PIGT: variants seen among roughly 807,000 people sequenced by gnomAD.
PIGT encodes phosphatidylinositol glycan anchor biosynthesis class T.
Under a neutral mutation model 66.7 loss-of-function variants are expected in PIGT, and 57 were observed. The ratio of observed to expected loss-of-function variants is 0.86; its 90% CI spans 0.69 to 1.07. The LOEUF (loss-of-function observed/expected upper bound fraction) is 1.07, where lower values mean the gene tolerates loss of function less well. Among genes scored for constraint, PIGT ranks in the 50% least tolerant of loss-of-function variants. The pLI, the probability that PIGT is intolerant of heterozygous loss-of-function variation, is 0.00. For missense variants in PIGT, 725 were observed against 740.4 expected (o/e 0.98, Z 0.24); for synonymous variants, 362 against 320.5 (o/e 1.13, Z -1.38).
intron 2 of PIGT, 118 bp from the exon 3 acceptor site, chr20:45,418,734 C>T (rs1046250548): frequency 5.5e-6 from 7 of 1,282,868 alleles, no homozygotes; most frequent in Admixed American, 3.5e-5. Context: ...TCAACTGGCC[C>T]GTCTAATAGT....
At chr20:45,421,276 T>TTC (rs1555877264) in intron 8 of PIGT, 107 bp from the exon 9 acceptor site, 7 of 875,004 alleles carry the variant, frequency 8.0e-6, no homozygotes, top group Non-Finnish European at 1.2e-5. Flanking sequence ...GCAGGGCTGT[T>TTC]CCCCATCTAC....
chr20:45,422,189 T>C (rs1303116145), intron 9 of PIGT: 1 of 152,146 alleles, frequency 6.6e-6, no homozygotes, highest in African/African-American at 2.4e-5. Context: ...GAAGAGGTTG[T>C]ACCATATCCC....
intron 10 of PIGT, 54 bp downstream of exon 10, chr20:45,424,435 T>A: frequency 1.2e-6 from 2 of 1,613,006 alleles, no homozygotes; most frequent in Non-Finnish European, 8.5e-7. Context: ...CCCTTTCTGC[T>A]GCTTACCCCT....
chr20:45,421,644 C>T, intron 9 of PIGT, 61 bp downstream of exon 9: 2 of 1,373,848 alleles, frequency 1.5e-6, no homozygotes, highest in Non-Finnish European at 2.1e-6. Context: ...CTCCAGGTCC[C>T]CCAAACTCTC....
intron 11 of PIGT, chr20:45,425,137 C>CTCTT (rs1306364648): frequency 7.4e-6 from 1 of 135,388 alleles, no homozygotes; most frequent in African/African-American, 2.8e-5. Context: ...CTCTTTCTTT[C>CTCTT]TTTCTCTTTC....
At position 45,425,653 on chromosome 20, in the gene PIGT, T is replaced by C; in HGVS notation, c.1564T>C (p.Phe522Leu). 2 of 1,614,188 alleles carry C rather than the reference T, an allele frequency of 1.2e-6. No individual in the cohort carries two copies. Among genetic ancestry groups the C allele is most frequent in the Non-Finnish European group, 1.7e-6 (2 of 1,180,014 alleles). The stretch of plus-strand genomic sequence containing the variant: ...GCTGGTGAACCTGCCGACACCGGAC[T>C]TCAGCATGCCCTACAACGTGATCTG... ...PLLVNLPTPD[F>L]SMPYNVICLT... Residue 522 changes from phenylalanine to leucine, a missense_variant, in exon 12 of 12, where the codon TTC becomes CTC. Phe to Leu is a conservative substitution (Grantham distance 22). This residue lies in a region of PIGT where 162 missense variants were observed against 171.1 expected (regional missense o/e 0.95). Transcript: ENST00000279036.
intron 1 of PIGT, 38 bp downstream of exon 1, chr20:45,416,381 A>G (rs1322630173): frequency 2.6e-6 from 4 of 1,555,302 alleles, no homozygotes; most frequent in Non-Finnish European, 3.5e-6. Flanking sequence ...AGATTTCCGT[A>G]GTGCCTGCTG....
chr20:45,419,829 A>G (rs1990235391), intron 5 of PIGT: 2 of 600,050 alleles, frequency 3.3e-6, no homozygotes, highest in African/African-American at 1.9e-5. Flanking sequence ...TTGCTAGCTC[A>G]GTCACTTGCC....
intron 9 of PIGT, 122 bp downstream of exon 9, chr20:45,421,705 A>G: frequency 5.5e-6 from 4 of 721,512 alleles, no homozygotes; most frequent in Non-Finnish European, 9.4e-6. Flanking sequence ...ACAGGCATAA[A>G]GAGTAAGGAA....
chr20:45,420,085 G>T (rs763887133), intron 5 of PIGT, 51 bp from the exon 6 acceptor site: 1 of 1,298,262 alleles, frequency 7.7e-7, no homozygotes, highest in Non-Finnish European at 1.1e-6. Flanking sequence ...TTTGGGGGCT[G>T]TGTGGTGAGA....
At chr20:45,424,896 A>G (rs2145471757) in intron 11 of PIGT, 1 of 370,642 alleles carries the variant, frequency 2.7e-6, no homozygotes, top group African/African-American at 2.0e-5. Flanking sequence ...GATTAAACAA[A>G]ACAGACTTGG....
At chr20:45,417,315 A>G (rs1167588517) in intron 2 of PIGT, 6 of 152,236 alleles carry the variant, frequency 3.9e-5, no homozygotes, top group African/African-American at 7.2e-5. Flanking sequence ...TAATCCCACT[A>G]TAAGAAATCA....
rs201237606 is a variant in PIGT at position 45,420,628 on chromosome 20, C to A, written c.968C>A (p.Thr323Asn). The A allele has an allele frequency of 3.5e-5, 56 of 1,613,720 alleles. No individual in the cohort carries two copies. In the Middle Eastern group the frequency reaches 4.9e-4, roughly 14 times the overall value. Residue 323 changes from threonine (T) to asparagine (N), a missense_variant, in exon 8 of 12, where the codon ACC (threonine) becomes AAC (asparagine). By Grantham distance (65) the Thr-to-Asn change is moderately conservative (BLOSUM62 0). Around this residue, in one of 3 missense-constraint regions of PIGT, gnomAD observed 559 missense variants for 552.7 expected, o/e 1.01. Transcript: ENST00000279036. Reference protein sequence around the residue: ...KTYAIYDLLDTAMINNSRNLN... With the variant: ...KTYAIYDLLDNAMINNSRNLN... ...TATGCCATCTATGACTTGCTTGACACCGCCATGATCAACAACTCTCGAAAC... is the reference window on the plus strand; with the variant it reads ...TATGCCATCTATGACTTGCTTGACAACGCCATGATCAACAACTCTCGAAAC...
chr20:45,422,883 A>G (rs2145461641), intron 9 of PIGT: 1 of 152,166 alleles, frequency 6.6e-6, no homozygotes, highest in Admixed American at 6.5e-5. Context: ...GGGATAAACA[A>G]GGTTCTCACA....
At chr20:45,421,343 A>C (rs750411515) in intron 8 of PIGT, 40 bp from the exon 9 acceptor site, 1 of 1,565,942 alleles carries the variant, frequency 6.4e-7, no homozygotes, top group Admixed American at 1.7e-5. Context: ...AGTGATTCTT[A>C]CCTTTGGCAG....
At chr20:45,418,040 A>G (rs1464298032) in intron 2 of PIGT, 1 of 152,206 alleles carries the variant, frequency 6.6e-6, no homozygotes, top group African/African-American at 2.4e-5. Flanking sequence ...AGTGCTTATT[A>G]AGTTTTATGC....
intron 8 of PIGT, chr20:45,421,043 T>C (rs978239271): frequency 1.4e-5 from 7 of 505,392 alleles, no homozygotes; most frequent in Admixed American, 6.8e-5. Flanking sequence ...TCAAGAAATA[T>C]AAGTCTACTA....
In PIGT at chr20:45,425,891, T is replaced by A; in HGVS notation, c.*65T>A. Reference sequence around the variant, plus strand: ...TGGGGAGGGGAGCCCAAGGGCTGTTTCTGCCACTTGCTCTCCTCAGAGTTG... The same window carrying A: ...TGGGGAGGGGAGCCCAAGGGCTGTTACTGCCACTTGCTCTCCTCAGAGTTG... On this transcript the variant is annotated 3_prime_UTR_variant, in exon 12 of 12. Coordinates refer to ENST00000279036, the MANE Select transcript of PIGT (RefSeq NM_015937.6). 6.4e-7 allele frequency: 1 copy of A among 1,559,582 alleles called. No homozygotes were observed. The highest frequency in any genetic ancestry group is 1.2e-5 in the South Asian group (1 of 83,084).
intron 11 of PIGT, chr20:45,425,137 CTT>C (rs35689354): frequency 0.014 from 1,942 of 135,514 alleles, 64 homozygotes; most frequent in African/African-American, 0.051. Context: ...CTCTTTCTTT[CTT>C]TCTCTTTCTT....
Sources: gnomAD v4.1 joint callset for allele counts on GRCh38, gnomAD v4.1.1 for gene constraint, gnomAD v4.1.1 regional missense constraint, MANE v1.5 for transcripts, NCBI Gene and HGNC (gene_info 2026-07-23, HGNC 2026-07-21) for gene names.